The following GLI3 variants were observed in gnomAD, a reference collection of about 807,000 sequenced individuals.
GLI3 encodes the protein GLI family zinc finger 3.
GLI3 carries 20 observed loss-of-function variants against 100.8 expected under a neutral mutation model. The observed-to-expected ratio is 0.20, with a 90% CI of 0.14 to 0.29. GLI3 has a LOEUF of 0.29. Ranked by LOEUF, GLI3 falls within the 10% of genes least tolerant of loss-of-function variation. The pLI is 1.00. For missense variants in GLI3, 2,040 were observed against 2,128.5 expected, an observed-to-expected ratio of 0.96 and a Z score of 0.82; for synonymous variants, 938 against 860.5, an observed-to-expected ratio of 1.09 and a Z score of -1.58.
intron 3 of GLI3, among the ~76,000 whole-genome samples, chr7:42,114,442 A>G (rs1223863499): frequency 9.7e-6 from 1 of 103,598 alleles, no homozygotes; most frequent in African/African-American, 7.0e-5. Context: ...TGGCTTGGGA[A>G]AAAAAAAAAG....
chr7:42,034,179 G>A (rs1057477960), intron 7 of GLI3, among the ~76,000 whole-genome samples: 1 of 152,064 alleles, frequency 6.6e-6, no homozygotes, highest in Non-Finnish European at 1.5e-5. Context: ...AATATCATCA[G>A]GTATTATTAT....
rs745631926 is a variant in GLI3, at chr7:41,964,590, C to G, written c.4483G>C (p.Asp1495His). The G allele has an allele frequency of 1.9e-6, 3 of 1,614,124 alleles. No homozygotes were observed. Among genetic ancestry groups the G allele is most frequent in the Middle Eastern group, 1.6e-4 (1 of 6,062 alleles). The change falls in exon 15 of 15, where the codon GAC becomes CAC. Residue 1495 changes from aspartate to histidine, a missense_variant. Asp to His is a moderately conservative substitution (Grantham distance 81). Around this residue, in one of 5 missense-constraint regions of GLI3, gnomAD observed 1,041 missense variants for 924.0 expected, o/e 1.13. Coordinates refer to ENST00000395925, the MANE Select transcript of GLI3 (RefSeq NM_000168.6). ...TGTACCCCTTCCAGGTCATGGCTGT[C>G]GAGGCTGTCCACTGTGCTTGTCACC... ...NQVTSTVDSL[D>H]SHDLEGVQID...
chr7:42,092,683 G>A (rs1008367788), intron 3 of GLI3, among the ~76,000 whole-genome samples: 3 of 152,188 alleles, frequency 2.0e-5, no homozygotes, highest in African/African-American at 7.2e-5. Context: ...AGAACCACAG[G>A]AGGAACGCAC....
intron 3 of GLI3, among the ~76,000 whole-genome samples, chr7:42,134,439 G>C (rs1285126417): frequency 1.3e-5 from 2 of 152,166 alleles, no homozygotes; most frequent in African/African-American, 4.8e-5. Context: ...ACTTTCCGTA[G>C]CCGCTATGGT....
At chr7:42,007,515 A>G (rs2128724178) in intron 10 of GLI3, among the ~76,000 whole-genome samples, 1 of 152,282 alleles carries the variant, frequency 6.6e-6, no homozygotes, top group Non-Finnish European at 1.5e-5. Context: ...TGAGGAAAAA[A>G]ACGCCTTTCC....
chr7:42,040,390 T>C, intron 6 of GLI3, 151 bp from the exon 7 acceptor site: 1 of 688,374 alleles, frequency 1.5e-6, no homozygotes, highest in Admixed American at 2.2e-5. Flanking sequence ...ATCTACTAGC[T>C]ACAGTTGAGG....
intron 4 of GLI3, among the ~76,000 whole-genome samples, chr7:42,054,967 C>T (rs1189024364): frequency 6.6e-6 from 1 of 151,338 alleles, no homozygotes; most frequent in Non-Finnish European, 1.5e-5. Flanking sequence ...TGCACTCCAG[C>T]CTGGGCAAGA....
In GLI3 at chr7:42,200,171, C is replaced by T. The variant is rs116234073; in HGVS notation, c.124+22959G>A. Among the ~76,000 whole-genome samples the T allele has an allele frequency of 3.2e-3, 490 of 152,294 alleles. 1 individual carries two copies. Among genetic ancestry groups the T allele is most frequent in the African/African-American group, 0.011 (467 of 41,574 alleles). On this transcript the variant is annotated intron_variant, in intron 2 of 14. Coordinates refer to ENST00000395925, the MANE Select transcript of GLI3 (RefSeq NM_000168.6). ...AAAGAATACCTAGGATATCGCCTTC[C>T]GTCATGGAGGTCACGGAGAGTCAAA...
intron 3 of GLI3, among the ~76,000 whole-genome samples, chr7:42,105,573 A>G (rs1785555183): frequency 6.6e-6 from 1 of 152,224 alleles, no homozygotes; most frequent in Non-Finnish European, 1.5e-5. Flanking sequence ...AGATTTAAAA[A>G]GAAGATAATA....
chr7:42,108,633 G>A (rs934545851), intron 3 of GLI3, among the ~76,000 whole-genome samples: 2 of 152,142 alleles, frequency 1.3e-5, no homozygotes, highest in African/African-American at 4.8e-5. Context: ...CTAGAAGTCT[G>A]ACCATTTCAA....
chr7:42,255,610 A>G (rs1583677677), intron 1 of GLI3, among the ~76,000 whole-genome samples: 3 of 152,192 alleles, frequency 2.0e-5, no homozygotes, highest in African/African-American at 4.8e-5. Context: ...TACTTAAATA[A>G]TGGTTTTGTG....
intron 3 of GLI3, among the ~76,000 whole-genome samples, chr7:42,112,668 C>A (rs961116976): frequency 6.6e-6 from 1 of 152,078 alleles, no homozygotes; most frequent in Non-Finnish European, 1.5e-5. Context: ...CTAATCCCAA[C>A]CAACATTCTT....
intron 1 of GLI3, among the ~76,000 whole-genome samples, chr7:42,245,844 C>T (rs765056142): frequency 2.3e-4 from 34 of 147,370 alleles, no homozygotes; most frequent in Admixed American, 2.0e-4. Flanking sequence ...AGGATAGGAT[C>T]GCAACAAACA....
Position 42,123,801 on chromosome 7 carries a change from T to C in GLI3, c.367+24425A>G, listed in dbSNP as rs115372423. Reference sequence around the variant, plus strand: ...AACTGGGAACTTGAAGAAATTGAGATTGACATCTGACCTTTAAAAGCAGTG... The same window carrying C: ...AACTGGGAACTTGAAGAAATTGAGACTGACATCTGACCTTTAAAAGCAGTG... On this transcript the variant is annotated intron_variant, in intron 3 of 14. Transcript: ENST00000395925. 9.7e-3 allele frequency among the ~76,000 whole-genome samples: 1,481 copies of C among 152,334 alleles called. 29 individuals are homozygous for C. The highest frequency in any genetic ancestry group is 0.034 in the African/African-American group (1,401 of 41,570).
intron 2 of GLI3, among the ~76,000 whole-genome samples, chr7:42,201,145 A>T (rs759393340): frequency 5.9e-5 from 9 of 152,300 alleles, no homozygotes; most frequent in African/African-American, 2.2e-4. Flanking sequence ...AACAACAATA[A>T]CTAATAATAA....
At chr7:42,018,110 G>C (rs904904146) in intron 10 of GLI3, among the ~76,000 whole-genome samples, 1 of 152,222 alleles carries the variant, frequency 6.6e-6, no homozygotes, top group South Asian at 2.1e-4. Context: ...ACACACCCTC[G>C]CAATCAATCT....
intron 2 of GLI3, among the ~76,000 whole-genome samples, chr7:42,164,211 G>T (rs555746830): frequency 2.0e-5 from 3 of 152,158 alleles, no homozygotes; most frequent in African/African-American, 7.2e-5. Context: ...GTATATTCCC[G>T]TGTTGAAATC....
At chr7:42,036,678 T>A (rs1036315632) in intron 7 of GLI3, among the ~76,000 whole-genome samples, 1 of 152,224 alleles carries the variant, frequency 6.6e-6, no homozygotes, top group Non-Finnish European at 1.5e-5. Flanking sequence ...TCATTACTGA[T>A]GCACTGCCAA....
intron 2 of GLI3, among the ~76,000 whole-genome samples, chr7:42,208,339 T>C (rs968556569): frequency 6.6e-6 from 1 of 152,174 alleles, no homozygotes; most frequent in Non-Finnish European, 1.5e-5. Context: ...ACTGGAACTC[T>C]TTCTAAAATG....
Sources: allele counts gnomAD v4.1 joint callset (sites outside exome capture counted in the v4.1 genomes callset), GRCh38; gene constraint gnomAD v4.1.1; regional missense constraint gnomAD v4.1.1; transcripts MANE v1.5; gene names NCBI Gene and HGNC (gene_info 2026-07-23, HGNC 2026-07-21).